SLA: variants seen among roughly 807,000 people sequenced by gnomAD.
The protein encoded by SLA is src-like-adapter.
Under a neutral mutation model 30.3 loss-of-function variants are expected in SLA, and 16 were observed. The observed-to-expected ratio is 0.53, with a 90% CI of 0.36 to 0.80. SLA has a LOEUF of 0.80. Ranked by LOEUF, SLA falls within the 30% of genes least tolerant of loss-of-function variation. SLA has a pLI of 0.01. For synonymous variants in SLA, 143 were observed against 137.8 expected (o/e 1.04, Z -0.26); for missense variants, 310 against 345.2 (o/e 0.90, Z 0.81).
At position 133,082,970 on chromosome 8, in the gene SLA, C is replaced by T. The variant is rs182930662; in HGVS notation, c.-318-7840G>A. Among the ~76,000 whole-genome samples the T allele has an allele frequency of 3.3e-5, 5 of 152,272 alleles. No individual in the cohort carries two copies. In the East Asian group the frequency reaches 5.8e-4, roughly 18 times the overall value. ...AGATGGGTGTGAAATCATCTGTCAG[C>T]GCCTGCTTCCATGCCCACTGAGCCA... On this transcript the variant is annotated intron_variant, in intron 1 of 8. Coordinates refer to ENST00000338087, the MANE Select transcript of SLA (RefSeq NM_001045556.3).
At chr8:133,040,237 G>A (rs1424925707) in intron 7 of SLA, 107 bp from the exon 8 acceptor site, 1 of 1,258,716 alleles carries the variant, frequency 7.9e-7, no homozygotes. Context: ...TGCTGCCATG[G>A]GGAACTGGGC....
In SLA at chr8:133,045,134, A is replaced by G; in HGVS notation, c.353-19T>C. 6.2e-7 allele frequency: 1 copy of G among 1,613,650 alleles called. No individual in the cohort carries two copies. The highest frequency in any genetic ancestry group is 1.7e-5 in the Admixed American group (1 of 59,992). Reference sequence around the variant, plus strand: ...TAAAACCCTGCAGGAGGTGGAGGATAAGTCAGTGGGCTCCACCTGTCCTCA... The same window carrying G: ...TAAAACCCTGCAGGAGGTGGAGGATGAGTCAGTGGGCTCCACCTGTCCTCA... On this transcript the variant is annotated intron_variant, in intron 6 of 8. Coordinates refer to ENST00000338087, the MANE Select transcript of SLA (RefSeq NM_001045556.3).
chr8:133,095,063 C>G (rs531027218), intron 1 of SLA: 9 of 1,613,730 alleles, frequency 5.6e-6, no homozygotes, highest in Admixed American at 3.3e-5. Flanking sequence ...GCACTCTCCC[C>G]GGCCGCCGTC....
rs58739514 is a variant in SLA, at chr8:133,042,678, CTTTTTTTTTTTTT to C, written c.484+2293_484+2305del. On this transcript the variant is annotated intron_variant, in intron 7 of 8. Coordinates refer to ENST00000338087, the MANE Select transcript of SLA (RefSeq NM_001045556.3). Reference sequence around the variant, plus strand: ...GTGCACAATTCCTCTCATTCTGTGTCTTTTTTTTTTTTTTTTTTTTTTTTTTTTTTTGTGAGAT... The same window carrying C: ...GTGCACAATTCCTCTCATTCTGTGTCTTTTTTTTTTTTTTTTTTGTGAGAT... 4.1e-4 allele frequency among the ~76,000 whole-genome samples: 23 copies of C among 56,770 alleles called. No individual in the cohort carries two copies. In the South Asian group the frequency reaches 4.2e-3, roughly 10 times the overall value. 37.2% of individuals were successfully genotyped at this position (56,770 alleles called of 152,430 possible).
At chr8:133,066,344 A>AAG (rs1554714559) in intron 2 of SLA, among the ~76,000 whole-genome samples, 4 of 150,640 alleles carry the variant, frequency 2.7e-5, no homozygotes, top group Non-Finnish European at 5.9e-5. Context: ...AAAAAAAAAA[A>AAG]GCTGTTACTG....
intron 2 of SLA, among the ~76,000 whole-genome samples, chr8:133,065,099 G>A (rs1279930347): frequency 6.6e-6 from 1 of 152,172 alleles, no homozygotes; most frequent in African/African-American, 2.4e-5. Context: ...CTAAGGCATG[G>A]AAGTGTGGTG....
chr8:133,076,072 G>A (rs1046617802), intron 1 of SLA: 1 of 152,180 alleles, frequency 6.6e-6, no homozygotes, highest in African/African-American at 2.4e-5. Flanking sequence ...TGATGAAACA[G>A]GTAAAATTTC....
intron 8 of SLA, among the ~76,000 whole-genome samples, chr8:133,039,034 C>A (rs554772700): frequency 6.6e-6 from 1 of 152,154 alleles, no homozygotes; most frequent in Admixed American, 6.5e-5. Context: ...TCCACCACCA[C>A]GCCCAGCTAA....
At chr8:133,054,218 A>G (rs933399327) in intron 3 of SLA, among the ~76,000 whole-genome samples, 1 of 152,286 alleles carries the variant, frequency 6.6e-6, no homozygotes, top group Middle Eastern at 3.4e-3. Context: ...AAGCAGAGAT[A>G]AATGAGTGAG....
rs1419162566 is a variant in SLA at position 133,075,741 on chromosome 8, C to A, written c.-318-611G>T. ...TCTGCCATAGAAGTAATGGCAAAAACCACAATCATTGTGGCACCAACCTAA... is the reference window on the plus strand; with the variant it reads ...TCTGCCATAGAAGTAATGGCAAAAAACACAATCATTGTGGCACCAACCTAA... On this transcript the variant is annotated intron_variant, in intron 1 of 8. Transcript: ENST00000338087. Among the ~76,000 whole-genome samples the A allele has an allele frequency of 2.6e-5, 4 of 151,962 alleles. No individual in the cohort carries two copies. The East Asian group carries it at 7.7e-4, about 29-fold the overall frequency.
intron 1 of SLA, among the ~76,000 whole-genome samples, chr8:133,077,027 G>A (rs542542780): frequency 4.6e-5 from 7 of 152,280 alleles, no homozygotes; most frequent in East Asian, 1.9e-4. Context: ...GGGTTGATGG[G>A]ACCGAGGGGC....
chr8:133,055,116 C>T (rs950247613), intron 3 of SLA, among the ~76,000 whole-genome samples: 1 of 152,140 alleles, frequency 6.6e-6, no homozygotes, highest in Non-Finnish European at 1.5e-5. Flanking sequence ...CTCTCCTTGG[C>T]ACTTAATCTT....
At chr8:133,065,162 C>T (rs963376131) in intron 2 of SLA, among the ~76,000 whole-genome samples, 3 of 152,154 alleles carry the variant, frequency 2.0e-5, no homozygotes, top group Non-Finnish European at 4.4e-5. Context: ...CCAACAACAA[C>T]GGTGATGACC....
In SLA at chr8:133,050,422, G is replaced by A. The variant is rs1840181445; in HGVS notation, c.161+394C>T. 2.0e-5 allele frequency: 5 copies of A among 253,098 alleles called. No individual in the cohort carries two copies. In the South Asian group the frequency reaches 2.4e-4, roughly 12 times the overall value. The allele number at this position is 253,098 out of a possible 1,614,324, so 15.7% of individuals were successfully genotyped here. A position where few individuals can be genotyped will look rare whatever the true frequency, so the allele number is the denominator to read the frequency against. On this transcript the variant is annotated intron_variant, in intron 4 of 8. Transcript: ENST00000338087. ...GCCCATATTGAATCAGACTGCAGAG[G>A]TAAGAGGAGAGAAGGCAAATTTTTG...
In SLA at chr8:133,065,553, G is replaced by C. The variant is rs552624686; in HGVS notation, c.-40-5353C>G. ...GAGGCAGGTGGATCACGTCAGGTCA[G>C]GAGTTCAAGACCAGCCTGGCCAACA... On this transcript the variant is annotated intron_variant, in intron 2 of 8. Coordinates refer to ENST00000338087, the MANE Select transcript of SLA (RefSeq NM_001045556.3). Among the ~76,000 whole-genome samples, 14 of 152,290 alleles carry C rather than the reference G, an allele frequency of 9.2e-5. No homozygotes were observed. The South Asian group carries it at 1.0e-3, about 11-fold the overall frequency.
At position 133,037,580 on chromosome 8, in the gene SLA, TA is replaced by T. The variant is rs1288881831; in HGVS notation, c.*943del. On this transcript the variant is annotated 3_prime_UTR_variant, in exon 9 of 9. Transcript: ENST00000338087. Reference sequence around the variant, plus strand: ...ATTTCTCTTTTTACACATTTGTTTATACATTTTTTCCCTGTCTACACTGTGA... The same window carrying T: ...ATTTCTCTTTTTACACATTTGTTTATCATTTTTTCCCTGTCTACACTGTGA... 1.3e-5 allele frequency: 2 copies of T among 152,118 alleles called. No individual in the cohort carries two copies. The highest frequency in any genetic ancestry group is 4.8e-5 in the African/African-American group (2 of 41,426). 9.4% of individuals were successfully genotyped at this position (152,118 alleles called of 1,614,324 possible). A position where few individuals can be genotyped will look rare whatever the true frequency, so the allele number is the denominator to read the frequency against.
chr8:133,088,576 A>G (rs1363576882), intron 1 of SLA, among the ~76,000 whole-genome samples: 2 of 152,178 alleles, frequency 1.3e-5, no homozygotes, highest in Non-Finnish European at 2.9e-5. Context: ...ATGTGAATAA[A>G]TGATGTGGCC....
At chr8:133,088,078 G>C (rs1846890764) in intron 1 of SLA, among the ~76,000 whole-genome samples, 2 of 152,216 alleles carry the variant, frequency 1.3e-5, no homozygotes, top group African/African-American at 4.8e-5. Context: ...GTTTAAAGGA[G>C]CCAATAGAGG....
intron 4 of SLA, 118 bp downstream of exon 4, chr8:133,050,698 A>G (rs1486031197): frequency 2.8e-6 from 2 of 702,290 alleles, no homozygotes; most frequent in Non-Finnish European, 2.5e-6. Flanking sequence ...TTCTCACCTC[A>G]TAATAGGACC....
Sources: allele counts gnomAD v4.1 joint callset (sites outside exome capture counted in the v4.1 genomes callset), GRCh38; gene constraint gnomAD v4.1.1; transcripts MANE v1.5; gene names NCBI Gene and HGNC (gene_info 2026-07-23, HGNC 2026-07-21).